COL8A1: variants seen among roughly 807,000 people sequenced by gnomAD.
The protein encoded by COL8A1 is collagen type VIII alpha 1 chain.
In COL8A1, 21 loss-of-function variants were observed where a neutral mutation model predicts 42.7. The ratio of observed to expected loss-of-function variants is 0.49; its 90% CI spans 0.35 to 0.71. The LOEUF is 0.71. Ranked by LOEUF, COL8A1 falls within the 30% of genes least tolerant of loss-of-function variation. The pLI, the probability that COL8A1 is intolerant of heterozygous loss-of-function variation, is 0.01. For synonymous variants in COL8A1, 367 were observed against 369.1 expected, an observed-to-expected ratio of 0.99 and a Z score of 0.06; for missense variants, 788 against 962.4, an observed-to-expected ratio of 0.82 and a Z score of 2.40.
At chr3:99,709,294 C>G (rs1319120737) in intron 1 of COL8A1, among the ~76,000 whole-genome samples, 1 of 152,186 alleles carries the variant, frequency 6.6e-6, no homozygotes, top group East Asian at 1.9e-4. Flanking sequence ...AATTCATATA[C>G]ACATGAAAGT....
At chr3:99,791,354 A>G (rs1296313947) in intron 3 of COL8A1, among the ~76,000 whole-genome samples, 1 of 152,188 alleles carries the variant, frequency 6.6e-6, no homozygotes, top group Non-Finnish European at 1.5e-5. Flanking sequence ...AGATGCTGGG[A>G]GCTAAAGCAG....
intron 2 of COL8A1, among the ~76,000 whole-genome samples, chr3:99,746,237 A>C (rs539196635): frequency 6.6e-6 from 1 of 152,200 alleles, no homozygotes; most frequent in Non-Finnish European, 1.5e-5. Flanking sequence ...ACCACTAATT[A>C]TTTTGGCTGG....
At chr3:99,691,626 C>T (rs1005472918) in intron 1 of COL8A1, 12 of 151,440 alleles carry the variant, frequency 7.9e-5, no homozygotes, top group Non-Finnish European at 1.6e-4. Flanking sequence ...CACTCTCTAC[C>T]TACCTCACTG....
chr3:99,669,781 A>C (rs1938486253), intron 1 of COL8A1, among the ~76,000 whole-genome samples: 1 of 152,062 alleles, frequency 6.6e-6, no homozygotes. Context: ...TCACAACCAG[A>C]ACCTGACGGA....
intron 1 of COL8A1, among the ~76,000 whole-genome samples, chr3:99,726,440 C>T (rs1940328143): frequency 6.6e-6 from 1 of 151,358 alleles, no homozygotes. Flanking sequence ...TCAATTTTGG[C>T]TTTTGTTGCC....
intron 2 of COL8A1, among the ~76,000 whole-genome samples, chr3:99,783,904 C>T (rs1020017185): frequency 3.9e-5 from 6 of 152,190 alleles, no homozygotes; most frequent in Non-Finnish European, 2.9e-5. Flanking sequence ...GATGAGATTT[C>T]GGTGGGGCCA....
intron 2 of COL8A1, among the ~76,000 whole-genome samples, chr3:99,779,633 G>A (rs1941757244): frequency 6.6e-6 from 1 of 152,206 alleles, no homozygotes; most frequent in African/African-American, 2.4e-5. Flanking sequence ...CTAACAGGTA[G>A]GAGACGCGCC....
At chr3:99,762,809 G>A (rs1941389444) in intron 2 of COL8A1, among the ~76,000 whole-genome samples, 1 of 152,148 alleles carries the variant, frequency 6.6e-6, no homozygotes, top group South Asian at 2.1e-4. Context: ...AGGAGTGTGG[G>A]CTCTGCATGG....
At chr3:99,659,384 T>A (rs1243275920) in intron 1 of COL8A1, among the ~76,000 whole-genome samples, 2 of 152,162 alleles carry the variant, frequency 1.3e-5, no homozygotes, top group Non-Finnish European at 2.9e-5. Flanking sequence ...ATCTGTGCAT[T>A]CTCTCTGGGC....
chr3:99,721,558 G>A (rs541746412), intron 1 of COL8A1, among the ~76,000 whole-genome samples: 5 of 152,012 alleles, frequency 3.3e-5, no homozygotes, highest in East Asian at 1.9e-4. Context: ...CAAAGGAAAC[G>A]GCTGGAAACC....
rs1938215752 is a variant in COL8A1, at chr3:99,661,875, A to G, written c.-129+23211A>G. 2.0e-5 allele frequency among the ~76,000 whole-genome samples: 3 copies of G among 152,216 alleles called. No individual in the cohort carries two copies. In the South Asian group the frequency reaches 6.2e-4, roughly 32 times the overall value. On this transcript the variant is annotated intron_variant, in intron 1 of 3. Transcript: ENST00000652472. ...ATAGGCCAGTCACAAAATGACAAATACTGTATGATTCCATTTATTTGAGAT... is the reference window on the plus strand; with the variant it reads ...ATAGGCCAGTCACAAAATGACAAATGCTGTATGATTCCATTTATTTGAGAT...
At chr3:99,748,215 A>C (rs374835898) in intron 2 of COL8A1, among the ~76,000 whole-genome samples, 23 of 152,264 alleles carry the variant, frequency 1.5e-4, no homozygotes, top group Middle Eastern at 6.8e-3. Flanking sequence ...CCTCTACACC[A>C]CATTGCCACC....
rs530558204 is a variant in COL8A1, at chr3:99,787,851, C to G, written c.-3-2829C>G. On this transcript the variant is annotated intron_variant, in intron 2 of 3. Coordinates refer to ENST00000652472, the MANE Select transcript of COL8A1 (RefSeq NM_020351.4). ...CATTAGATATGCTTATGTTCAAGAA[C>G]ACAAATACACACACACACACACACC... Among the ~76,000 whole-genome samples, 3 of 81,226 alleles carry G rather than the reference C, an allele frequency of 3.7e-5. No individual in the cohort carries two copies. The Admixed American group carries it at 3.9e-4, about 10-fold the overall frequency. 53.3% of individuals were successfully genotyped at this position (81,226 alleles called of 152,430 possible).
chr3:99,710,594 C>A (rs1939806602), intron 1 of COL8A1, among the ~76,000 whole-genome samples: 1 of 152,086 alleles, frequency 6.6e-6, no homozygotes, highest in South Asian at 2.1e-4. Flanking sequence ...GAGTTTAATC[C>A]ACTTGGTCAG....
At chr3:99,664,494 A>T (rs891142517) in intron 1 of COL8A1, among the ~76,000 whole-genome samples, 9 of 151,870 alleles carry the variant, frequency 5.9e-5, no homozygotes, top group African/African-American at 2.2e-4. Context: ...AAAAAAAAAT[A>T]AAATAAAAAA....
At chr3:99,787,031 C>T (rs1036732486) in intron 2 of COL8A1, among the ~76,000 whole-genome samples, 2 of 152,158 alleles carry the variant, frequency 1.3e-5, no homozygotes, top group African/African-American at 4.8e-5. Context: ...AACAGAGACA[C>T]ACATACATAC....
chr3:99,731,562 A>G (rs1373868744), intron 1 of COL8A1, among the ~76,000 whole-genome samples: 1 of 152,172 alleles, frequency 6.6e-6, no homozygotes, highest in Non-Finnish European at 1.5e-5. Flanking sequence ...GGACTGGGGT[A>G]CAGAAGCAGG....
At chr3:99,697,039 T>C (rs891869419) in intron 1 of COL8A1, among the ~76,000 whole-genome samples, 3 of 131,266 alleles carry the variant, frequency 2.3e-5, no homozygotes, top group African/African-American at 5.8e-5. Context: ...CAGGCTGGAG[T>C]GCAGTGGCGG....
chr3:99,688,423 T>G (rs1484554324), intron 1 of COL8A1, among the ~76,000 whole-genome samples: 2 of 152,164 alleles, frequency 1.3e-5, no homozygotes, highest in Non-Finnish European at 2.9e-5. Context: ...GAGCGCATCG[T>G]TCCAACCTCT....
Sources: gnomAD v4.1 joint callset for allele counts (sites outside exome capture counted in the v4.1 genomes callset) on GRCh38, gnomAD v4.1.1 for gene constraint, MANE v1.5 for transcripts, NCBI Gene and HGNC (gene_info 2026-07-23, HGNC 2026-07-21) for gene names.